The following EYS variants were observed in gnomAD, a reference collection of about 807,000 sequenced individuals.
EYS encodes the protein protein eyes shut homolog.
In EYS, 250 loss-of-function variants were observed where a neutral mutation model predicts 282.1. That is an observed-to-expected ratio of 0.89 (90% CI 0.80 to 0.98). The LOEUF is 0.98. EYS is among the 50% of genes least tolerant of loss of function. The pLI is 0.00. For missense variants in EYS, 4,016 were observed against 3,709.0 expected (o/e 1.08, Z -2.15); for synonymous variants, 1,355 against 1,282.9 (o/e 1.06, Z -1.20).
rs1469037426 is a variant in EYS, at chr6:65,335,047, T to C, written c.1699A>G (p.Thr567Ala). ...RWAGNMYLEN[T>A]TDDQENECQH... ...CACTCATTTTCTTGATCATCAGTTG[T>C]ATTTTCCAGATACATGTTGCCAGCC... The change falls in exon 11 of 43, where the codon ACA becomes GCA. Residue 567 changes from threonine (T) to alanine (A), a missense_variant. Coordinates refer to ENST00000503581, the MANE Select transcript of EYS (RefSeq NM_001142800.2). 1.2e-6 allele frequency: 2 copies of C among 1,611,910 alleles called. No homozygotes were observed. Among genetic ancestry groups the C allele is most frequent in the Non-Finnish European group, 1.7e-6 (2 of 1,178,662 alleles).
At chr6:65,434,963 G>C (rs956541952) in intron 5 of EYS, among the ~76,000 whole-genome samples, 1 of 151,862 alleles carries the variant, frequency 6.6e-6, no homozygotes, top group Non-Finnish European at 1.5e-5. Context: ...CTTGGGGACA[G>C]AAGGACTAGT....
chr6:63,969,361 C>A (rs1283158375), intron 35 of EYS, among the ~76,000 whole-genome samples: 1 of 152,158 alleles, frequency 6.6e-6, no homozygotes, highest in African/African-American at 2.4e-5. Flanking sequence ...TAAAGTATTC[C>A]TAACCCGGCT....
Position 65,363,780 on chromosome 6 carries a change from A to AT in EYS, c.1300-10164dup, listed in dbSNP as rs199671278. 9.1e-3 allele frequency among the ~76,000 whole-genome samples: 1,379 copies of AT among 151,846 alleles called. 30 individuals are homozygous for AT. The highest frequency in any genetic ancestry group is 0.031 in the African/African-American group (1,300 of 41,488). On this transcript the variant is annotated intron_variant, in intron 8 of 42. Transcript: ENST00000503581. ...CTTAGATTAAATATATGTGTCACAT[A>AT]TTTTTTCCAATTGTAGAAGTGTATG...
At chr6:63,985,284 C>T (rs1767303442) in intron 34 of EYS, among the ~76,000 whole-genome samples, 1 of 151,564 alleles carries the variant, frequency 6.6e-6, no homozygotes, top group Non-Finnish European at 1.5e-5. Flanking sequence ...TAAGGAACAT[C>T]AAATATTGCC....
At chr6:64,302,413 T>C (rs1379502719) in intron 30 of EYS, among the ~76,000 whole-genome samples, 1 of 152,210 alleles carries the variant, frequency 6.6e-6, no homozygotes, top group East Asian at 1.9e-4. Flanking sequence ...AACTTAGATA[T>C]GTACATGGAT....
intron 26 of EYS, among the ~76,000 whole-genome samples, chr6:64,475,639 A>T (rs1776241371): frequency 6.6e-6 from 1 of 152,102 alleles, no homozygotes; most frequent in South Asian, 2.1e-4. Context: ...ATATCAGGTA[A>T]ATATCATCAT....
chr6:64,380,596 C>T (rs1772710849), intron 29 of EYS, among the ~76,000 whole-genome samples: 1 of 152,180 alleles, frequency 6.6e-6, no homozygotes, highest in African/African-American at 2.4e-5. Flanking sequence ...AGAAACAAGT[C>T]CACAAAGTCA....
chr6:65,570,140 AG>A (rs1213280155), intron 2 of EYS, among the ~76,000 whole-genome samples: 2 of 152,094 alleles, frequency 1.3e-5, no homozygotes, highest in East Asian at 3.9e-4. Flanking sequence ...AATAAAAAAA[AG>A]TTATTTTCCT....
intron 30 of EYS, among the ~76,000 whole-genome samples, chr6:64,287,112 A>G (rs1730521055): frequency 6.6e-6 from 1 of 152,184 alleles, no homozygotes; most frequent in African/African-American, 2.4e-5. Flanking sequence ...TGTTCATTAG[A>G]AGTTAAAACT....
Position 64,902,125 on chromosome 6 carries a change from T to C in EYS, c.2834A>G (p.Asp945Gly). Residue 945 changes from aspartate to glycine, a missense_variant, in exon 18 of 43, where the codon GAT (aspartate) becomes GGT (glycine). By Grantham distance (94) the Asp-to-Gly change is moderately conservative (BLOSUM62 -1). Coordinates refer to ENST00000503581, the MANE Select transcript of EYS (RefSeq NM_001142800.2). ...EPCKNNGTCV[D>G]LTNRFFCNCE... Reference sequence around the variant, plus strand: ...AGTAGCTTCTCACCTGTTTGTCAGATCCACACATGTTCCATTATTTTTGCA... The same window carrying C: ...AGTAGCTTCTCACCTGTTTGTCAGACCCACACATGTTCCATTATTTTTGCA... 6.5e-7 allele frequency: 1 copy of C among 1,542,950 alleles called. No homozygotes were observed. Among genetic ancestry groups the C allele is most frequent in the Non-Finnish European group, 8.7e-7 (1 of 1,143,322 alleles).
intron 41 of EYS, among the ~76,000 whole-genome samples, chr6:63,749,160 C>T (rs1769281241): frequency 6.6e-6 from 1 of 152,098 alleles, no homozygotes; most frequent in Non-Finnish European, 1.5e-5. Flanking sequence ...TTAGCTGTGT[C>T]CCAGAGATCC....
intron 12 of EYS, among the ~76,000 whole-genome samples, chr6:65,106,037 G>A (rs1253891664): frequency 6.6e-6 from 1 of 151,892 alleles, no homozygotes; most frequent in Non-Finnish European, 1.5e-5. Flanking sequence ...CCATACAGCA[G>A]CATAATACCA....
At chr6:63,775,001 T>A (rs1770030395) in intron 40 of EYS, among the ~76,000 whole-genome samples, 2 of 152,034 alleles carry the variant, frequency 1.3e-5, no homozygotes, top group African/African-American at 2.4e-5. Context: ...TAATGTAACC[T>A]TTTTTCTTTT....
At chr6:64,364,102 GA>G (rs1772113866) in intron 29 of EYS, among the ~76,000 whole-genome samples, 1 of 151,662 alleles carries the variant, frequency 6.6e-6, no homozygotes. Flanking sequence ...CTTATCCATA[GA>G]AATTTAGTCT....
At chr6:63,881,919 C>T (rs536982512) in intron 35 of EYS, among the ~76,000 whole-genome samples, 88 of 152,228 alleles carry the variant, frequency 5.8e-4, no homozygotes, top group African/African-American at 2.0e-3. Context: ...TATTGTTATC[C>T]TTGAGACTTA....
intron 2 of EYS, among the ~76,000 whole-genome samples, chr6:65,579,848 A>T (rs537988217): frequency 6.6e-6 from 1 of 152,134 alleles, no homozygotes; most frequent in Admixed American, 6.6e-5. Context: ...CCAGGGAGAT[A>T]ATTTGCATTG....
chr6:64,989,799 TACACACAC>T (rs3033931), intron 14 of EYS, among the ~76,000 whole-genome samples: 32,320 of 140,038 alleles, frequency 0.23, 4,417 homozygotes, highest in African/African-American at 0.38. Context: ...TATATATTCA[TACACACAC>T]ACACACACAC....
intron 1 of EYS, among the ~76,000 whole-genome samples, chr6:65,670,270 T>A (rs1431467094): frequency 1.3e-5 from 2 of 152,036 alleles, no homozygotes; most frequent in Non-Finnish European, 2.9e-5. Flanking sequence ...AAAAGTCAAT[T>A]ATGGAACCAA....
intron 12 of EYS, among the ~76,000 whole-genome samples, chr6:65,146,402 G>A (rs1381733344): frequency 1.3e-5 from 2 of 151,888 alleles, no homozygotes; most frequent in Non-Finnish European, 2.9e-5. Context: ...AAGGAAAAAT[G>A]AGAAAGAAGT....
Sources: gnomAD v4.1 joint callset for allele counts (sites outside exome capture counted in the v4.1 genomes callset) on GRCh38, gnomAD v4.1.1 for gene constraint, MANE v1.5 for transcripts, NCBI Gene and HGNC (gene_info 2026-07-23, HGNC 2026-07-21) for gene names.